SLC30A9: variants seen among roughly 807,000 people sequenced by gnomAD.
The protein encoded by SLC30A9 is solute carrier family 30 member 9.
A neutral mutation model predicts 87.5 loss-of-function variants in SLC30A9; 58 were observed. The observed-to-expected ratio is 0.66, with a 90% CI of 0.54 to 0.82. The LOEUF (loss-of-function observed/expected upper bound fraction) is 0.82, where lower values mean the gene tolerates loss of function less well. SLC30A9 is among the 40% of genes least tolerant of loss of function. The pLI, the probability that SLC30A9 is intolerant of heterozygous loss-of-function variation, is 0.00. For missense variants in SLC30A9, 557 were observed against 679.1 expected (o/e 0.82, Z 2.00); for synonymous variants, 234 against 233.0 (o/e 1.00, Z -0.04).
chr4:42,049,330 A>T, intron 8 of SLC30A9, 47 bp from the exon 9 acceptor site: 1 of 1,253,954 alleles, frequency 8.0e-7, no homozygotes, highest in East Asian at 2.3e-5. Flanking sequence ...TTTTGGCTTA[A>T]ATTTTTGTCC....
chr4:42,049,492 G>A lies in SLC30A9; in HGVS notation c.840+13G>A. 1 of 1,400,692 alleles carries A rather than the reference G, an allele frequency of 7.1e-7. No individual in the cohort carries two copies. The highest frequency in any genetic ancestry group is 9.8e-7 in the Non-Finnish European group (1 of 1,022,598). 86.8% of individuals were successfully genotyped at this position (1,400,692 alleles called of 1,614,324 possible). On this transcript the variant is annotated intron_variant, in intron 9 of 17. Coordinates refer to ENST00000264451, the MANE Select transcript of SLC30A9 (RefSeq NM_006345.4). The stretch of plus-strand genomic sequence containing the variant: ...TACTTGTAATCAGGTGAGGACTAAA[G>A]CTTTTTTTATAAGTCAATTTTAAAG...
intron 15 of SLC30A9, among the ~76,000 whole-genome samples, chr4:42,075,044 T>C (rs1718473990): frequency 6.7e-5 from 1 of 14,840 alleles, no homozygotes; most frequent in African/African-American, 2.7e-4. Flanking sequence ...TATATATATA[T>C]ATATATATAT....
chr4:42,030,805 T>C (rs538278678), intron 6 of SLC30A9, among the ~76,000 whole-genome samples: 1 of 152,362 alleles, frequency 6.6e-6, no homozygotes, highest in African/African-American at 2.4e-5. Context: ...TTGTTTTGAA[T>C]GCTGTCTTGA....
chr4:42,062,152 C>CCATTGCA (rs1265885097), intron 10 of SLC30A9, among the ~76,000 whole-genome samples: 1 of 151,224 alleles, frequency 6.6e-6, no homozygotes, highest in Non-Finnish European at 1.5e-5. Context: ...CAAGATCCTG[C>CCATTGCA]CATTGCACTC....
rs910398975 is a variant in SLC30A9 at position 41,996,975 on chromosome 4, A to G, written c.110-4641A>G. Among the ~76,000 whole-genome samples the G allele has an allele frequency of 5.3e-5, 8 of 152,008 alleles. No homozygotes were observed. The East Asian group carries it at 7.7e-4, about 15-fold the overall frequency. ...CTTGAACCCGGGAGGTAGAGGTTGC[A>G]GTGAGCTGAGATCACGCCACTGCAC... On this transcript the variant is annotated intron_variant, in intron 1 of 17. Transcript: ENST00000264451.
chr4:42,056,705 G>A (rs1450771787), intron 9 of SLC30A9, among the ~76,000 whole-genome samples: 2 of 152,100 alleles, frequency 1.3e-5, no homozygotes, highest in East Asian at 3.9e-4. Context: ...ACTCATTTCA[G>A]CATTAACTCA....
intron 1 of SLC30A9, among the ~76,000 whole-genome samples, chr4:41,999,263 A>G (rs778014366): frequency 2.6e-5 from 4 of 152,212 alleles, no homozygotes; most frequent in Non-Finnish European, 4.4e-5. Context: ...ATTTAGTCTG[A>G]CTTTCCTATA....
intron 2 of SLC30A9, among the ~76,000 whole-genome samples, chr4:42,016,152 TAAATG>T (rs1026878971): frequency 1.3e-5 from 2 of 152,124 alleles, no homozygotes; most frequent in African/African-American, 4.8e-5. Flanking sequence ...TTGTGACAAT[TAAATG>T]AAATAATTTG....
At position 42,042,975 on chromosome 4, in the gene SLC30A9, A is replaced by G. The variant is rs1017634234; in HGVS notation, c.737+3922A>G. ...CTCCAGCAAACTCCAGCAGACCTGC[A>G]GCAGAGAGGCCTGACTGTTAGAAAG... On this transcript the variant is annotated intron_variant, in intron 8 of 17. Transcript: ENST00000264451. Among the ~76,000 whole-genome samples, 5 of 152,244 alleles carry G rather than the reference A, an allele frequency of 3.3e-5. No homozygotes were observed. In the East Asian group the frequency reaches 9.6e-4, roughly 29 times the overall value.
At chr4:42,001,972 A>G (rs988982386) in intron 2 of SLC30A9, among the ~76,000 whole-genome samples, 192 bp downstream of exon 2, 3 of 151,986 alleles carry the variant, frequency 2.0e-5, no homozygotes, top group Admixed American at 2.0e-4. Context: ...TTTTCTACGA[A>G]AAACTATCTA....
chr4:42,044,900 A>C (rs1717080633), intron 8 of SLC30A9, among the ~76,000 whole-genome samples: 1 of 152,236 alleles, frequency 6.6e-6, no homozygotes, highest in African/African-American at 2.4e-5. Context: ...ACTCAAGATT[A>C]AGAAACTCAC....
intron 16 of SLC30A9, 57 bp downstream of exon 16, chr4:42,075,843 T>C: frequency 6.5e-7 from 1 of 1,539,440 alleles, no homozygotes; most frequent in African/African-American, 1.4e-5. Flanking sequence ...GCTTTTAAGG[T>C]AAACAAAATG....
chr4:42,078,411 A>G (rs1394459618), intron 17 of SLC30A9, 86 bp downstream of exon 17: 18 of 688,382 alleles, frequency 2.6e-5, no homozygotes, highest in Non-Finnish European at 4.6e-5. Context: ...AAGTGCATCC[A>G]TCACATGCAT....
intron 4 of SLC30A9, among the ~76,000 whole-genome samples, chr4:42,021,577 G>A (rs1197102363): frequency 6.6e-6 from 1 of 151,964 alleles, no homozygotes; most frequent in Non-Finnish European, 1.5e-5. Flanking sequence ...TTAAGAGAAA[G>A]GAAAATAAAT....
At chr4:42,032,922 A>G (rs541037092) in intron 6 of SLC30A9, among the ~76,000 whole-genome samples, 2 of 152,292 alleles carry the variant, frequency 1.3e-5, no homozygotes, top group African/African-American at 2.4e-5. Flanking sequence ...GTAATTACAT[A>G]CTTGATTTAT....
intron 16 of SLC30A9, among the ~76,000 whole-genome samples, chr4:42,075,992 A>C (rs1245428640): frequency 5.3e-5 from 8 of 152,170 alleles, no homozygotes; most frequent in Non-Finnish European, 8.8e-5. Context: ...CATGCTTGCT[A>C]TGTGCATTTA....
chr4:42,005,972 A>C (rs1560535826), intron 2 of SLC30A9, among the ~76,000 whole-genome samples: 1 of 152,230 alleles, frequency 6.6e-6, no homozygotes, highest in Non-Finnish European at 1.5e-5. Flanking sequence ...GATTCAACCA[A>C]ACAAGGATTA....
chr4:42,059,653 A>G (rs1173342693), intron 9 of SLC30A9, among the ~76,000 whole-genome samples: 1 of 152,178 alleles, frequency 6.6e-6, no homozygotes, highest in Non-Finnish European at 1.5e-5. Context: ...CTTCCTGTAA[A>G]AAGTCAAATA....
intron 3 of SLC30A9, among the ~76,000 whole-genome samples, chr4:42,019,774 C>T (rs1211106317): frequency 6.6e-6 from 1 of 151,920 alleles, no homozygotes; most frequent in African/African-American, 2.4e-5. Context: ...CACTCAACTA[C>T]TCTGTTATTT....
Sources: gnomAD v4.1 joint callset for allele counts (sites outside exome capture counted in the v4.1 genomes callset) on GRCh38, gnomAD v4.1.1 for gene constraint, MANE v1.5 for transcripts, NCBI Gene and HGNC (gene_info 2026-07-23, HGNC 2026-07-21) for gene names.